Variants in KALRN observed in about 807,000 individuals in gnomAD.
KALRN encodes kalirin RhoGEF kinase.
A neutral mutation model predicts 353.7 loss-of-function variants in KALRN; 70 were observed. That is an observed-to-expected ratio of 0.20 (90% CI 0.16 to 0.24). The LOEUF is 0.24. Among genes scored for constraint, KALRN ranks in the 10% least tolerant of loss-of-function variants. The pLI, the probability that KALRN is intolerant of heterozygous loss-of-function variation, is 1.00. For missense variants in KALRN, 2,791 were observed against 3,756.7 expected (o/e 0.74, Z 6.72); for synonymous variants, 1,391 against 1,434.8 (o/e 0.97, Z 0.69).
chr3:124,434,579 T>G, intron 17 of KALRN, 54 bp downstream of exon 17: 5 of 1,557,252 alleles, frequency 3.2e-6, no homozygotes, highest in Non-Finnish European at 4.4e-6. Context: ...GGGGCCATTT[T>G]CTGCCTTGCA....
intron 22 of KALRN, among the ~76,000 whole-genome samples, chr3:124,455,926 G>A (rs1467935198): frequency 1.3e-5 from 2 of 152,208 alleles, no homozygotes; most frequent in Admixed American, 6.5e-5. Flanking sequence ...ATCCTAGGAT[G>A]TCTAATTCTT....
intron 1 of KALRN, among the ~76,000 whole-genome samples, chr3:124,171,579 G>A (rs1335022981): frequency 2.6e-5 from 4 of 152,118 alleles, no homozygotes; most frequent in African/African-American, 7.2e-5. Flanking sequence ...TCATGGGCTA[G>A]TTCAGACTGA....
chr3:124,380,560 G>A (rs1300209805), intron 10 of KALRN, among the ~76,000 whole-genome samples: 1 of 152,166 alleles, frequency 6.6e-6, no homozygotes, highest in Non-Finnish European at 1.5e-5. Context: ...CATATCTGTT[G>A]GGAAATGTCA....
At chr3:124,164,883 G>A (rs2070569656) in intron 1 of KALRN, among the ~76,000 whole-genome samples, 1 of 152,164 alleles carries the variant, frequency 6.6e-6, no homozygotes, top group Non-Finnish European at 1.5e-5. Flanking sequence ...TCTACCTTTG[G>A]AGTCCAGCTC....
At position 124,678,228 on chromosome 3, in the gene KALRN, G is replaced by C. The variant is rs35729834; in HGVS notation, c.7232G>C (p.Arg2411Pro). The change falls in exon 50 of 60, where the codon CGG becomes CCG. Residue 2411 changes from arginine (R) to proline (P), a missense_variant. Transcript: ENST00000682506. ...CSWHTLRMRK[R>P]AEVENTGKNE... ...TGGCATACTCTACGCATGAGAAAGCGGGCGGAAGTGGAGAACACGGGTAAA... is the reference window on the plus strand; with the variant it reads ...TGGCATACTCTACGCATGAGAAAGCCGGCGGAAGTGGAGAACACGGGTAAA... 1 of 1,613,876 alleles carries C rather than the reference G, an allele frequency of 6.2e-7. No homozygotes were observed. Among genetic ancestry groups the C allele is most frequent in the South Asian group, 1.1e-5 (1 of 91,080 alleles).
rs371432506 is a variant in KALRN at position 124,490,848 on chromosome 3, A to G, written c.4551A>G (p.Ser1517=). Residue 1517 remains serine, a synonymous_variant, in exon 30 of 60, where the codon TCA becomes TCG. Coordinates refer to ENST00000682506, the MANE Select transcript of KALRN (RefSeq NM_001388419.1). ...TTAGCAAGGAGATCAAAGATTCTTC[A>G]GGACACACGAAATATGTTTACAAGA... The part of the protein sequence containing the change: ...LVFSKEIKDS[S]GHTKYVYKNK... The G allele has an allele frequency of 2.5e-5, 40 of 1,613,756 alleles. No individual in the cohort carries two copies. The highest frequency in any genetic ancestry group is 6.6e-5 in the South Asian group (6 of 91,056).
rs201509537 is a variant in KALRN at position 124,623,423 on chromosome 3, C to CA, written c.5183-8996dup. Among the ~76,000 whole-genome samples, 128 of 149,338 alleles carry CA rather than the reference C, an allele frequency of 8.6e-4. No individual in the cohort carries two copies. In the Middle Eastern group the frequency reaches 0.011, roughly 12 times the overall value. On this transcript the variant is annotated intron_variant, in intron 34 of 59. Coordinates refer to ENST00000682506, the MANE Select transcript of KALRN (RefSeq NM_001388419.1). ...ATACACACACACACACACACACACA[C>CA]ACACAAAAGGGAGTTTATTAACTCA...
At chr3:124,454,231 TTA>T (rs1241669700) in intron 21 of KALRN, among the ~76,000 whole-genome samples, 1 of 152,232 alleles carries the variant, frequency 6.6e-6, no homozygotes, top group Non-Finnish European at 1.5e-5. Context: ...ATGTGCCAAC[TTA>T]TATGAGGTTT....
At chr3:124,585,108 T>C (rs1368642633) in intron 34 of KALRN, among the ~76,000 whole-genome samples, 1 of 152,178 alleles carries the variant, frequency 6.6e-6, no homozygotes, top group East Asian at 1.9e-4. Context: ...GCTCGCTGGC[T>C]GGCGGTGAGG....
chr3:124,551,770 C>T (rs1396602717), intron 33 of KALRN, among the ~76,000 whole-genome samples: 1 of 152,216 alleles, frequency 6.6e-6, no homozygotes, highest in Non-Finnish European at 1.5e-5. Context: ...AGCATGCATA[C>T]ACGTGATGTG....
intron 15 of KALRN, among the ~76,000 whole-genome samples, chr3:124,427,061 A>G (rs1371207892): frequency 1.3e-5 from 2 of 152,220 alleles, no homozygotes; most frequent in African/African-American, 2.4e-5. Context: ...CAAGATGGAC[A>G]TTTAGGACAA....
chr3:124,691,334 A>G (rs2150573150), intron 51 of KALRN, among the ~76,000 whole-genome samples: 1 of 152,346 alleles, frequency 6.6e-6, no homozygotes, highest in South Asian at 2.1e-4. Context: ...AGGCTGAGGC[A>G]GGGGAATCAC....
At chr3:124,284,155 G>C (rs1009847101) in intron 5 of KALRN, among the ~76,000 whole-genome samples, 4 of 152,132 alleles carry the variant, frequency 2.6e-5, no homozygotes, top group Non-Finnish European at 5.9e-5. Context: ...TGAGATCAAG[G>C]CTGGCTTGGT....
intron 4 of KALRN, chr3:124,268,518 G>A: frequency 5.3e-6 from 3 of 563,262 alleles, no homozygotes; most frequent in Non-Finnish European, 9.5e-6. Context: ...GTAAATGGCT[G>A]GCAGTTGTAG....
chr3:124,671,171 T>C (rs1016745014), intron 47 of KALRN, among the ~76,000 whole-genome samples: 3 of 152,256 alleles, frequency 2.0e-5, no homozygotes, highest in Non-Finnish European at 2.9e-5. Flanking sequence ...GCTTTAAAGT[T>C]CATTCCATCC....
rs558589315 is a variant in KALRN at position 124,206,594 on chromosome 3, A to G, written c.74-21396A>G. On this transcript the variant is annotated intron_variant, in intron 1 of 59. Transcript: ENST00000682506. ...AGAGACGACTTCTTGTGCTTATTGC[A>G]TAGGGTTTTCTGGGTAGTGTTGCAT... is the stretch of plus-strand genomic sequence containing the variant. Among the ~76,000 whole-genome samples the G allele has an allele frequency of 9.9e-5, 15 of 152,282 alleles. No individual in the cohort carries two copies. In the South Asian group the frequency reaches 1.5e-3, roughly 15 times the overall value.
intron 2 of KALRN, among the ~76,000 whole-genome samples, chr3:124,230,872 C>CCAAAAAAAAAAAAAAAAAAAAAAAAA (rs2079076322): frequency 7.8e-6 from 1 of 129,006 alleles, no homozygotes; most frequent in Non-Finnish European, 1.7e-5. Context: ...AAAAAAAAAA[C>CCAAAAAAAAAAAAAAAAAAAAAAAAA]AAAAAAAAAA....
chr3:124,243,870 A>G (rs897553416), intron 3 of KALRN, among the ~76,000 whole-genome samples: 5 of 152,220 alleles, frequency 3.3e-5, no homozygotes, highest in African/African-American at 1.2e-4. Flanking sequence ...GCTGACAACA[A>G]CTGGCAGTTT....
intron 33 of KALRN, among the ~76,000 whole-genome samples, chr3:124,533,191 G>A (rs2068204182): frequency 6.6e-6 from 1 of 151,808 alleles, no homozygotes; most frequent in African/African-American, 2.4e-5. Context: ...GAGTTCAAGA[G>A]CAGCCTGGGC....
Sources: allele counts gnomAD v4.1 joint callset (sites outside exome capture counted in the v4.1 genomes callset), GRCh38; gene constraint gnomAD v4.1.1; transcripts MANE v1.5; gene names NCBI Gene and HGNC (gene_info 2026-07-23, HGNC 2026-07-21).